MRPL1: variants seen among roughly 807,000 people sequenced by gnomAD.
MRPL1 encodes the protein large ribosomal subunit protein uL1m.
A neutral mutation model predicts 38.0 loss-of-function variants in MRPL1; 28 were observed. The observed-to-expected ratio is 0.74, with a 90% confidence interval of 0.55 to 1.01. The LOEUF (loss-of-function observed/expected upper bound fraction) is 1.01, where lower values mean the gene tolerates loss of function less well. MRPL1 is among the 50% of genes least tolerant of loss of function. MRPL1 has a pLI of 0.00. For missense variants in MRPL1, 358 were observed against 389.8 expected, an observed-to-expected ratio of 0.92 and a Z score of 0.69; for synonymous variants, 123 against 126.7, an observed-to-expected ratio of 0.97 and a Z score of 0.20.
chr4:77,866,699 G>A (rs149489551), intron 1 of MRPL1, among the ~76,000 whole-genome samples: 4 of 150,730 alleles, frequency 2.7e-5, no homozygotes, highest in African/African-American at 7.3e-5. Context: ...TGGTGTTTGC[G>A]TGGCTAACTT....
intron 7 of MRPL1, among the ~76,000 whole-genome samples, chr4:77,937,928 C>G (rs1737025698): frequency 6.6e-6 from 1 of 152,120 alleles, no homozygotes; most frequent in South Asian, 2.1e-4. Flanking sequence ...TAAGTCTCAA[C>G]TGCATAATAG....
intron 7 of MRPL1, 98 bp downstream of exon 7, chr4:77,909,470 T>G: frequency 1.3e-6 from 1 of 747,150 alleles, no homozygotes; most frequent in Non-Finnish European, 2.2e-6. Context: ...CATTTGAACT[T>G]GTTTTTGGCA....
intron 1 of MRPL1, among the ~76,000 whole-genome samples, chr4:77,865,885 A>G (rs529058816): frequency 8.6e-4 from 131 of 152,130 alleles, no homozygotes; most frequent in African/African-American, 3.0e-3. Flanking sequence ...TGTGCTCAGA[A>G]CTCTGCAAAG....
At chr4:77,922,394 T>A (rs1267359462) in intron 7 of MRPL1, among the ~76,000 whole-genome samples, 1 of 152,190 alleles carries the variant, frequency 6.6e-6, no homozygotes, top group Non-Finnish European at 1.5e-5. Context: ...GGTGATTAGG[T>A]CATAGTAAGG....
At chr4:77,922,039 G>C (rs1362691183) in intron 7 of MRPL1, among the ~76,000 whole-genome samples, 1 of 152,148 alleles carries the variant, frequency 6.6e-6, no homozygotes, top group South Asian at 2.1e-4. Context: ...GCCTTCATGG[G>C]ATAGACGTGT....
intron 6 of MRPL1, among the ~76,000 whole-genome samples, chr4:77,897,904 A>C (rs1041792024): frequency 2.6e-5 from 4 of 152,212 alleles, no homozygotes; most frequent in African/African-American, 4.8e-5. Context: ...CATGTATGAA[A>C]GACTCCATTA....
intron 1 of MRPL1, among the ~76,000 whole-genome samples, chr4:77,870,055 C>T (rs1206668762): frequency 2.6e-5 from 4 of 151,930 alleles, no homozygotes; most frequent in Non-Finnish European, 4.4e-5. Context: ...TGTGCACCGT[C>T]GCTAATTTTT....
At chr4:77,934,610 G>A (rs6814088) in intron 7 of MRPL1, among the ~76,000 whole-genome samples, 81,310 of 151,858 alleles carry the variant, frequency 0.54, 22,116 homozygotes, top group Admixed American at 0.58. Context: ...TACTATAGCC[G>A]CTATGAAAAA....
In MRPL1 at chr4:77,898,813, A is replaced by AG. The variant is rs1336206864; in HGVS notation, c.670+4564dup. On this transcript the variant is annotated intron_variant, in intron 6 of 8. Coordinates refer to ENST00000315567, the MANE Select transcript of MRPL1 (RefSeq NM_020236.4). Reference sequence around the variant, plus strand: ...CCAGCTTGGACTATATACAATTTATAGTTTTTTTTTTATCAGAATAATTGT... The same window carrying AG: ...CCAGCTTGGACTATATACAATTTATAGGTTTTTTTTTTATCAGAATAATTGT... Among the ~76,000 whole-genome samples the AG allele has an allele frequency of 4.1e-5, 6 of 145,114 alleles. No homozygotes were observed. The East Asian group carries it at 1.2e-3, about 30-fold the overall frequency.
At chr4:77,888,679 C>T (rs1006534268) in intron 5 of MRPL1, among the ~76,000 whole-genome samples, 1 of 151,830 alleles carries the variant, frequency 6.6e-6, no homozygotes, top group Non-Finnish European at 1.5e-5. Context: ...TCTAAAAGTT[C>T]CTCCTCTAGA....
intron 1 of MRPL1, 102 bp downstream of exon 1, chr4:77,862,981 C>T (rs1735037564): frequency 7.0e-7 from 1 of 1,429,232 alleles, no homozygotes; most frequent in South Asian, 1.2e-5. Flanking sequence ...GAAAATGCCT[C>T]GTGCTGTTTC....
intron 2 of MRPL1, among the ~76,000 whole-genome samples, chr4:77,878,434 G>A (rs1026439765): frequency 4.0e-5 from 6 of 151,836 alleles, no homozygotes; most frequent in South Asian, 4.2e-4. Context: ...TGTTTAGTTC[G>A]TTTTAGTTTT....
chr4:77,863,020 C>A (rs1735038656), intron 1 of MRPL1, 141 bp downstream of exon 1: 1 of 1,001,024 alleles, frequency 1.0e-6, no homozygotes, highest in Non-Finnish European at 1.5e-6. Flanking sequence ...GAGGGTGGGT[C>A]ATTACTACTT....
At chr4:77,929,303 G>C (rs6815466) in intron 7 of MRPL1, among the ~76,000 whole-genome samples, 9,522 of 152,156 alleles carry the variant, frequency 0.063, 451 homozygotes, top group African/African-American at 0.14. Flanking sequence ...TTTAAAACCA[G>C]TGGATAAATA....
At chr4:77,883,737 C>T (rs1735606109) in intron 3 of MRPL1, among the ~76,000 whole-genome samples, 1 of 151,800 alleles carries the variant, frequency 6.6e-6, no homozygotes, top group Non-Finnish European at 1.5e-5. Context: ...TCTACCACGC[C>T]CAGCTAATTT....
chr4:77,916,925 A>T (rs2110251703), intron 7 of MRPL1, among the ~76,000 whole-genome samples: 1 of 152,312 alleles, frequency 6.6e-6, no homozygotes, highest in Non-Finnish European at 1.5e-5. Flanking sequence ...ATCATTATCC[A>T]ACAGTGTGTT....
At chr4:77,924,812 A>T (rs758618063) in intron 7 of MRPL1, among the ~76,000 whole-genome samples, 4 of 152,156 alleles carry the variant, frequency 2.6e-5, no homozygotes, top group Non-Finnish European at 5.9e-5. Context: ...TTCATCTTTC[A>T]TGGCTCATAG....
In MRPL1 at chr4:77,883,232, T is replaced by TTCTTTTAAGG. The variant is rs1285283252; in HGVS notation, c.144-6_147dup. On this transcript the variant is annotated splice_polypyrimidine_tract_variant and intron_variant, in intron 2 of 8. Transcript: ENST00000315567. The stretch of plus-strand genomic sequence containing the variant: ...TATATTGATATAACTCAACTTTATT[T>TTCTTTTAAGG]TCTTTTAAGGTCTGCAAAGAAAACA... 6.6e-7 allele frequency: 1 copy of TTCTTTTAAGG among 1,519,674 alleles called. No homozygotes were observed. Among genetic ancestry groups the TTCTTTTAAGG allele is most frequent in the Non-Finnish European group, 8.8e-7 (1 of 1,131,818 alleles). 94.1% of individuals were successfully genotyped at this position (1,519,674 alleles called of 1,614,324 possible). A position where few individuals can be genotyped will look rare whatever the true frequency, so the allele number is the denominator to read the frequency against.
chr4:77,889,109 C>T lies in MRPL1; in HGVS notation c.558+1818C>T, dbSNP rs187105787. 2.5e-4 allele frequency among the ~76,000 whole-genome samples: 38 copies of T among 152,338 alleles called. No individual in the cohort carries two copies. In the East Asian group the frequency reaches 7.1e-3, roughly 29 times the overall value. On this transcript the variant is annotated intron_variant, in intron 5 of 8. Coordinates refer to ENST00000315567, the MANE Select transcript of MRPL1 (RefSeq NM_020236.4). ...TTAACAAGGATATCCAGGAATTGAA[C>T]TCAGCTCTGCACCAAGCAGACCTAA...
Sources: allele counts gnomAD v4.1 joint callset (sites outside exome capture counted in the v4.1 genomes callset), GRCh38; gene constraint gnomAD v4.1.1; transcripts MANE v1.5; gene names NCBI Gene and HGNC (gene_info 2026-07-23, HGNC 2026-07-21).